REDIC1: variants seen among roughly 807,000 people sequenced by gnomAD.
The protein encoded by REDIC1 is regulator of DNA class I crossover intermediates 1, also known as HEI10 Interacting Protein 1.
At chr12:39,786,010 C>G in the REDIC1 span, among the ~76,000 whole-genome samples, 3 of 152,140 alleles carry the variant, frequency 2.0e-5, no homozygotes, top group South Asian at 4.1e-4. Flanking sequence ...TCAGATGAGA[C>G]TTTGGACTGT....
the REDIC1 span, among the ~76,000 whole-genome samples, chr12:39,891,091 C>A: frequency 2.7e-5 from 4 of 150,060 alleles, no homozygotes; most frequent in South Asian, 8.6e-4. Flanking sequence ...ACCTAAATCA[C>A]TAAGAATCTC....
chr12:39,896,087 T>TAC, the REDIC1 span, among the ~76,000 whole-genome samples: 1 of 147,146 alleles, frequency 6.8e-6, no homozygotes, highest in African/African-American at 2.5e-5. Flanking sequence ...CGTGTACATA[T>TAC]ATGTATACAC....
the REDIC1 span, chr12:39,640,912 A>G: frequency 6.6e-7 from 1 of 1,514,808 alleles, no homozygotes; most frequent in South Asian, 1.2e-5. Context: ...CTTAAAGGCC[A>G]TTTCTTTGAT....
At chr12:39,812,726 C>G in the REDIC1 span, among the ~76,000 whole-genome samples, 2 of 151,904 alleles carry the variant, frequency 1.3e-5, no homozygotes, top group East Asian at 3.9e-4. Context: ...CCTGCCTCAG[C>G]CTCCCAAACT....
the REDIC1 span, among the ~76,000 whole-genome samples, chr12:39,753,411 G>A: frequency 3.4e-5 from 5 of 148,204 alleles, no homozygotes; most frequent in Admixed American, 6.6e-5. Context: ...TTTATTTCTT[G>A]ACTGTGAGAT....
At chr12:39,809,933 G>A in the REDIC1 span, among the ~76,000 whole-genome samples, 4 of 152,118 alleles carry the variant, frequency 2.6e-5, no homozygotes, top group Non-Finnish European at 5.9e-5. Context: ...TTGGTTTCAA[G>A]TCTTTGCTAT....
At chr12:39,820,717 TTATATATATATATATATA>T in the REDIC1 span, among the ~76,000 whole-genome samples, 128 of 132,686 alleles carry the variant, frequency 9.6e-4, no homozygotes, top group South Asian at 1.9e-3. Flanking sequence ...ATTTTTAAAT[TTATATATATATATATATA>T]TATATATATA....
At chr12:39,752,802 T>A in the REDIC1 span, among the ~76,000 whole-genome samples, 1 of 152,152 alleles carries the variant, frequency 6.6e-6, no homozygotes, top group Non-Finnish European at 1.5e-5. Flanking sequence ...ATCCAGTCAA[T>A]CATTTTATTA....
At chr12:39,766,197 C>T in the REDIC1 span, among the ~76,000 whole-genome samples, 1 of 152,000 alleles carries the variant, frequency 6.6e-6, no homozygotes, top group Admixed American at 6.6e-5. Flanking sequence ...TTTCAGTATT[C>T]GTTTACCTCA....
the REDIC1 span, among the ~76,000 whole-genome samples, chr12:39,802,620 G>A: frequency 4.6e-5 from 7 of 152,074 alleles, no homozygotes; most frequent in African/African-American, 9.6e-5. Context: ...GATTGAGACC[G>A]TTATCTATTT....
the REDIC1 span, among the ~76,000 whole-genome samples, chr12:39,676,101 A>T: frequency 6.6e-6 from 1 of 152,180 alleles, no homozygotes; most frequent in East Asian, 1.9e-4. Flanking sequence ...ACCAAGAAGA[A>T]ATCTCTGAAT....
At chr12:39,683,438 G>C in the REDIC1 span, 5 of 1,602,476 alleles carry the variant, frequency 3.1e-6, no homozygotes, top group Non-Finnish European at 4.3e-6. Flanking sequence ...TGATTACCAA[G>C]AGAAGACACC....
chr12:39,778,493 C>G, the REDIC1 span, among the ~76,000 whole-genome samples: 1 of 152,026 alleles, frequency 6.6e-6, no homozygotes, highest in Admixed American at 6.6e-5. Flanking sequence ...CATGTGAGGG[C>G]CACTCATAAC....
the REDIC1 span, among the ~76,000 whole-genome samples, chr12:39,689,410 G>A: frequency 1.8e-3 from 276 of 152,286 alleles, no homozygotes; most frequent in African/African-American, 6.1e-3. Context: ...TCTGAGAGAG[G>A]TAAGTTTGAC....
At chr12:39,691,927 G>A in the REDIC1 span, 1 of 845,404 alleles carries the variant, frequency 1.2e-6, no homozygotes, top group Non-Finnish European at 1.7e-6. Flanking sequence ...AATAAACCAT[G>A]TTGAACTGAA....
the REDIC1 span, among the ~76,000 whole-genome samples, chr12:39,681,392 C>T: frequency 2.0e-5 from 3 of 152,070 alleles, no homozygotes; most frequent in African/African-American, 7.2e-5. Flanking sequence ...GTAATGGCTG[C>T]ACCAAAATCT....
At chr12:39,661,172 A>G in the REDIC1 span, among the ~76,000 whole-genome samples, 1 of 152,168 alleles carries the variant, frequency 6.6e-6, no homozygotes, top group Non-Finnish European at 1.5e-5. Flanking sequence ...ATAAATAGCC[A>G]GTAATGAGGT....
At chr12:39,768,395 G>A in the REDIC1 span, among the ~76,000 whole-genome samples, 1 of 151,910 alleles carries the variant, frequency 6.6e-6, no homozygotes, top group Non-Finnish European at 1.5e-5. Context: ...ATTTTCTTTT[G>A]TAGTCACAAT....
chr12:39,747,929 A>G, the REDIC1 span, among the ~76,000 whole-genome samples: 1 of 152,254 alleles, frequency 6.6e-6, no homozygotes, highest in Non-Finnish European at 1.5e-5. Flanking sequence ...TGAAGGAAGC[A>G]ATAAACATGG....
Sources: allele counts gnomAD v4.1 joint callset (sites outside exome capture counted in the v4.1 genomes callset), GRCh38; gene constraint gnomAD v4.1.1; transcripts MANE v1.5; gene names NCBI Gene and HGNC (gene_info 2026-07-23, HGNC 2026-07-21).